Variants in NXPE1 observed in about 807,000 individuals in gnomAD.
The protein encoded by NXPE1 is neurexophilin and PC-esterase domain family member 1.
In NXPE1, 31 loss-of-function variants were observed where a neutral mutation model predicts 33.3. That is an observed-to-expected ratio of 0.93 (90% CI 0.70 to 1.26). The LOEUF is 1.26. Ranked by LOEUF, NXPE1 falls within the 50% of genes most tolerant of loss-of-function variation. NXPE1 has a pLI of 0.00. For synonymous variants in NXPE1, 229 were observed against 231.4 expected (o/e 0.99, Z 0.09); for missense variants, 661 against 655.6 (o/e 1.01, Z -0.09).
At chr11:114,557,701 T>C (rs1420448298) in intron 1 of NXPE1, among the ~76,000 whole-genome samples, 1 of 148,072 alleles carries the variant, frequency 6.8e-6, no homozygotes, top group Admixed American at 6.8e-5. Context: ...TATTTGTACA[T>C]TTAGTTTCCT....
chr11:114,522,337 C>G (rs781145497), exon 9 of NXPE1: 5 of 1,614,026 alleles, frequency 3.1e-6, no homozygotes, highest in Non-Finnish European at 3.4e-6. Flanking sequence ...CACCTGATAG[C>G]CGGTCAATTT....
chr11:114,540,370 G>A lies in NXPE1; in HGVS notation c.100-9462C>T, dbSNP rs1250617609. The stretch of plus-strand genomic sequence containing the variant: ...ACATTTACATATAGCAACATGATTA[G>A]ATTTCAAAAAACAATTTTGAATGAA... On this transcript the variant is annotated intron_variant, in intron 5 of 8. Transcript: ENST00000534921. 2.6e-5 allele frequency among the ~76,000 whole-genome samples: 4 copies of A among 152,108 alleles called. No individual in the cohort carries two copies. In the East Asian group the frequency reaches 7.7e-4, roughly 29 times the overall value.
At chr11:114,554,068 A>C in intron 1 of NXPE1, 1 of 985,418 alleles carries the variant, frequency 1.0e-6, no homozygotes, top group Admixed American at 6.1e-5. Context: ...TGGTATCCCA[A>C]ATCAGAAACT....
At chr11:114,546,648 C>A (rs1044748697) in intron 5 of NXPE1, among the ~76,000 whole-genome samples, 1 of 151,882 alleles carries the variant, frequency 6.6e-6, no homozygotes, top group Non-Finnish European at 1.5e-5. Context: ...AGCAAAGACA[C>A]CCCAATAGTA....
At chr11:114,548,202 C>A (rs1164799071) in intron 5 of NXPE1, among the ~76,000 whole-genome samples, 1 of 151,962 alleles carries the variant, frequency 6.6e-6, no homozygotes, top group Non-Finnish European at 1.5e-5. Flanking sequence ...ATAAGAGATT[C>A]AAGAATACTT....
rs1948193975 is a variant in NXPE1, at chr11:114,544,098, G to A, written c.99+7005C>T. On this transcript the variant is annotated intron_variant, in intron 5 of 8. Coordinates refer to ENST00000534921, the Ensembl canonical transcript of NXPE1. ...GAAATTTTAAAAAATCTAAATAAATGGAGAGAGATTCCATGTTCATGGATT... is the reference window on the plus strand; with the variant it reads ...GAAATTTTAAAAAATCTAAATAAATAGAGAGAGATTCCATGTTCATGGATT... Among the ~76,000 whole-genome samples, 4 of 152,270 alleles carry A rather than the reference G, an allele frequency of 2.6e-5. No homozygotes were observed. The South Asian group carries it at 8.3e-4, about 32-fold the overall frequency.
chr11:114,529,061 G>C (rs1310381977), intron 6 of NXPE1: 4 of 386,760 alleles, frequency 1.0e-5, no homozygotes, highest in African/African-American at 8.2e-5. Flanking sequence ...TGTCATGTTT[G>C]GTGCCTACTC....
At position 114,528,256 on chromosome 11, in the gene NXPE1, C is replaced by T. The variant is rs138028705; in HGVS notation, c.834-355G>A. On this transcript the variant is annotated intron_variant, in intron 6 of 8. Coordinates refer to ENST00000534921, the Ensembl canonical transcript of NXPE1. Reference sequence around the variant, plus strand: ...AATAGTTTCCTTGGATTACTGTGAGCCTCTAATTGGTCATGCAAGTCTCAG... The same window carrying T: ...AATAGTTTCCTTGGATTACTGTGAGTCTCTAATTGGTCATGCAAGTCTCAG... 2.5e-4 allele frequency among the ~76,000 whole-genome samples: 38 copies of T among 152,268 alleles called. 1 individual carries two copies. The highest frequency in any genetic ancestry group is 6.7e-4 in the African/African-American group (28 of 41,560).
chr11:114,559,609 AG>A (rs1591315183), intron 1 of NXPE1, among the ~76,000 whole-genome samples, 188 bp downstream of exon 1: 2 of 148,932 alleles, frequency 1.3e-5, no homozygotes, highest in South Asian at 2.1e-4. Flanking sequence ...TCTCACTATC[AG>A]TTTTTTTTTT....
intron 1 of NXPE1, among the ~76,000 whole-genome samples, chr11:114,553,308 A>G (rs1948565527): frequency 6.6e-6 from 1 of 152,182 alleles, no homozygotes; most frequent in Non-Finnish European, 1.5e-5. Context: ...AGAGTCCCTC[A>G]TTCGAGAGGA....
At chr11:114,537,380 A>G (rs1947873501) in intron 5 of NXPE1, among the ~76,000 whole-genome samples, 1 of 152,202 alleles carries the variant, frequency 6.6e-6, no homozygotes, top group South Asian at 2.1e-4. Context: ...CAAGACAGGG[A>G]TGCCCTCTAT....
chr11:114,550,952 G>C (rs75026329), intron 5 of NXPE1, 151 bp downstream of exon 5: 2 of 544,828 alleles, frequency 3.7e-6, no homozygotes, highest in South Asian at 5.3e-5. Flanking sequence ...TGTCCACAAT[G>C]CCTCTAAGGA....
chr11:114,534,533 T>C (rs1238461641), intron 5 of NXPE1, among the ~76,000 whole-genome samples: 1 of 151,972 alleles, frequency 6.6e-6, no homozygotes, highest in Non-Finnish European at 1.5e-5. Context: ...GTTAAAAACT[T>C]TGAAAAAAAA....
Position 114,554,250 on chromosome 11 carries a change from G to T in NXPE1, c.-210-1370C>A, listed in dbSNP as rs184553086. 2.2e-4 allele frequency: 209 copies of T among 970,010 alleles called. 1 individual carries two copies. In the African/African-American group the frequency reaches 3.4e-3, roughly 16 times the overall value. 60.1% of individuals were successfully genotyped at this position (970,010 alleles called of 1,614,324 possible). A position where few individuals can be genotyped will look rare whatever the true frequency, so the allele number is the denominator to read the frequency against. ...TACACAACCTTTCCTGGCCTCTATT[G>T]TATTTGACTGTGGCCAGGACACTGA... On this transcript the variant is annotated intron_variant, in intron 1 of 8. Coordinates refer to ENST00000534921, the Ensembl canonical transcript of NXPE1.
chr11:114,535,611 A>G (rs1038953152), intron 5 of NXPE1, among the ~76,000 whole-genome samples: 1 of 152,210 alleles, frequency 6.6e-6, no homozygotes, highest in Non-Finnish European at 1.5e-5. Context: ...ATGGAAAACA[A>G]AAAAATGCAG....
intron 1 of NXPE1, among the ~76,000 whole-genome samples, chr11:114,555,861 G>A (rs750181604): frequency 7.2e-5 from 11 of 152,136 alleles, no homozygotes; most frequent in Non-Finnish European, 1.2e-4. Context: ...TCAGTAGTTT[G>A]TTCCTTTTCA....
intron 5 of NXPE1, among the ~76,000 whole-genome samples, chr11:114,534,624 G>C (rs937200054): frequency 6.6e-6 from 1 of 152,188 alleles, no homozygotes; most frequent in Non-Finnish European, 1.5e-5. Flanking sequence ...CAGCACGAGA[G>C]CTACGTGACA....
chr11:114,536,147 T>A (rs559559694), intron 5 of NXPE1, among the ~76,000 whole-genome samples: 1 of 152,070 alleles, frequency 6.6e-6, no homozygotes, highest in Non-Finnish European at 1.5e-5. Flanking sequence ...ACCCCTCAAC[T>A]ACATGGAAAC....
At chr11:114,536,481 A>T (rs1159012768) in intron 5 of NXPE1, among the ~76,000 whole-genome samples, 1 of 152,208 alleles carries the variant, frequency 6.6e-6, no homozygotes, top group Admixed American at 6.5e-5. Flanking sequence ...AAAAAAATCA[A>T]TGAATCCAGG....
Sources: gnomAD v4.1 joint callset for allele counts (sites outside exome capture counted in the v4.1 genomes callset) on GRCh38, gnomAD v4.1.1 for gene constraint, MANE v1.5 for transcripts, NCBI Gene and HGNC (gene_info 2026-07-23, HGNC 2026-07-21) for gene names.